The following NBAS variants were observed in gnomAD, a reference collection of about 807,000 sequenced individuals.
NBAS encodes NAG/BC035112 fusion.
NBAS carries 219 observed loss-of-function variants against 302.5 expected under a neutral mutation model. The ratio of observed to expected loss-of-function variants is 0.72; its 90% confidence interval spans 0.65 to 0.81. The LOEUF (loss-of-function observed/expected upper bound fraction) is 0.81, where lower values mean the gene tolerates loss of function less well. Among genes scored for constraint, NBAS ranks in the 30% least tolerant of loss-of-function variants. The pLI is 0.00. For missense variants in NBAS, 2,932 were observed against 2,841.6 expected, an observed-to-expected ratio of 1.03 and a Z score of -0.72; for synonymous variants, 1,118 against 1,021.6, an observed-to-expected ratio of 1.09 and a Z score of -1.80.
chr2:14,949,014 T>G, the NBAS span, among the ~76,000 whole-genome samples: 1 of 152,048 alleles, frequency 6.6e-6, no homozygotes, highest in Admixed American at 6.6e-5. Flanking sequence ...TTTCAACAAA[T>G]GATACCAAGA....
the NBAS span, among the ~76,000 whole-genome samples, chr2:14,848,609 C>A: frequency 1.2e-4 from 17 of 140,120 alleles, 2 homozygotes; most frequent in Non-Finnish European, 2.5e-4. Flanking sequence ...TCTGTAGGCT[C>A]CACCTCTGGG....
chr2:15,370,014 G>A lies in NBAS; in HGVS notation c.3704-3321C>T, dbSNP rs80275852. Among the ~76,000 whole-genome samples the A allele has an allele frequency of 8.6e-3, 1,303 of 152,324 alleles. 20 individuals carry two copies. Among genetic ancestry groups the A allele is most frequent in the East Asian group, 0.061 (314 of 5,178 alleles). The stretch of plus-strand genomic sequence containing the variant: ...AGTATTATACAAATCTGAACCGTGT[G>A]GGCAAGGAAGGTGTAACACGCAGGA... On this transcript the variant is annotated intron_variant, in intron 31 of 51. Transcript: ENST00000281513.
chr2:14,926,752 T>A, the NBAS span, among the ~76,000 whole-genome samples: 2 of 152,288 alleles, frequency 1.3e-5, no homozygotes, highest in East Asian at 3.9e-4. Flanking sequence ...CCTGTACCCA[T>A]GAAACACCAA....
the NBAS span, among the ~76,000 whole-genome samples, chr2:15,011,013 A>T: frequency 4.6e-5 from 7 of 152,154 alleles, no homozygotes; most frequent in African/African-American, 1.7e-4. Context: ...CAAGCCATTG[A>T]TTTGTTTTAT....
chr2:15,278,575 G>A (rs1349709585), intron 42 of NBAS, among the ~76,000 whole-genome samples: 1 of 152,084 alleles, frequency 6.6e-6, no homozygotes, highest in Non-Finnish European at 1.5e-5. Context: ...TATTATGAAC[G>A]CCAAATAGAT....
chr2:14,922,170 G>A, the NBAS span, among the ~76,000 whole-genome samples: 1 of 152,226 alleles, frequency 6.6e-6, no homozygotes, highest in Non-Finnish European at 1.5e-5. Flanking sequence ...GTCAGAAAAG[G>A]AAGGTGGAGA....
the NBAS span, among the ~76,000 whole-genome samples, chr2:15,035,115 G>GTTTTTTTTTT: frequency 6.9e-6 from 1 of 145,158 alleles, no homozygotes; most frequent in Non-Finnish European, 1.5e-5. Context: ...GGGAGTGTGG[G>GTTTTTTTTTT]GTTTTTTTTT....
intron 51 of NBAS, among the ~76,000 whole-genome samples, chr2:15,171,390 T>C (rs567856012): frequency 1.0e-3 from 157 of 152,328 alleles, no homozygotes; most frequent in African/African-American, 3.6e-3. Flanking sequence ...ATTAATCGTA[T>C]GATATTTGTA....
At chr2:15,269,027 T>C (rs1281966501) in intron 44 of NBAS, among the ~76,000 whole-genome samples, 1 of 152,124 alleles carries the variant, frequency 6.6e-6, no homozygotes, top group East Asian at 1.9e-4. Flanking sequence ...AAGATTTCAG[T>C]GGAGAGTTCT....
the NBAS span, among the ~76,000 whole-genome samples, chr2:14,873,027 G>A: frequency 4.1e-4 from 63 of 152,338 alleles, no homozygotes; most frequent in African/African-American, 1.4e-3. Flanking sequence ...AAAGTTCCAC[G>A]TGCGGAAGGG....
Position 15,374,648 on chromosome 2 carries a change from T to C in NBAS, c.3663A>G (p.Gly1221=), listed in dbSNP as rs779919936. 1.5e-5 allele frequency: 25 copies of C among 1,613,930 alleles called. No individual in the cohort carries two copies. Among genetic ancestry groups the C allele is most frequent in the Non-Finnish European group, 2.1e-5 (25 of 1,179,862 alleles). The change falls in exon 31 of 52, where the codon GGA becomes GGG. Residue 1221 remains glycine (G), a synonymous_variant. Coordinates refer to ENST00000281513, the MANE Select transcript of NBAS (RefSeq NM_015909.4). ...QEELDLIQAV[G]CLEEFGVKIL... ...TCTTTACCCCAAATTCTTCAAGACA[T>C]CCAACGGCTTGGATAAGATCTAGCT...
At chr2:15,454,341 T>C (rs1412175461) in intron 21 of NBAS, among the ~76,000 whole-genome samples, 3 of 151,892 alleles carry the variant, frequency 2.0e-5, no homozygotes, top group Non-Finnish European at 4.4e-5. Flanking sequence ...TTAAAAGTAA[T>C]GAAGTCTAAA....
At chr2:15,426,305 C>A (rs1002904978) in intron 22 of NBAS, among the ~76,000 whole-genome samples, 3 of 152,102 alleles carry the variant, frequency 2.0e-5, no homozygotes, top group African/African-American at 4.8e-5. Flanking sequence ...AAGACTGTAT[C>A]CCTAATATTC....
chr2:15,134,663 C>T, the NBAS span, among the ~76,000 whole-genome samples: 1 of 152,218 alleles, frequency 6.6e-6, no homozygotes, highest in Non-Finnish European at 1.5e-5. Context: ...TCTATCTTAA[C>T]ATGGGGCTCA....
chr2:15,403,864 CGTGT>C (rs10624311), intron 25 of NBAS, among the ~76,000 whole-genome samples: 2,035 of 135,422 alleles, frequency 0.015, 19 homozygotes, highest in Middle Eastern at 0.023. Flanking sequence ...TTCCTTCCTT[CGTGT>C]GTGTGTGTGT....
chr2:15,451,695 C>T (rs1024932445), intron 21 of NBAS, among the ~76,000 whole-genome samples: 1 of 151,960 alleles, frequency 6.6e-6, no homozygotes, highest in Non-Finnish European at 1.5e-5. Flanking sequence ...TGTAATAACA[C>T]AAAAAGTCTC....
At chr2:14,783,130 AG>A in the NBAS span, among the ~76,000 whole-genome samples, 1 of 152,166 alleles carries the variant, frequency 6.6e-6, no homozygotes, top group Non-Finnish European at 1.5e-5. Context: ...AAATAAAGAC[AG>A]AGAAAAAATA....
intron 9 of NBAS, among the ~76,000 whole-genome samples, chr2:15,512,609 G>T (rs1195357300): frequency 6.6e-6 from 1 of 152,150 alleles, no homozygotes; most frequent in Non-Finnish European, 1.5e-5. Context: ...GTAGAAAGGG[G>T]CAGCAGAAGA....
At chr2:15,414,710 C>T (rs1427069273) in intron 25 of NBAS, among the ~76,000 whole-genome samples, 1 of 152,000 alleles carries the variant, frequency 6.6e-6, no homozygotes. Flanking sequence ...TTTAGGAGGC[C>T]GAGGCAGGCG....
Sources: gnomAD v4.1 joint callset for allele counts (sites outside exome capture counted in the v4.1 genomes callset) on GRCh38, gnomAD v4.1.1 for gene constraint, MANE v1.5 for transcripts, NCBI Gene and HGNC (gene_info 2026-07-23, HGNC 2026-07-21) for gene names.